The following SGSH variants were observed in gnomAD, a reference collection of about 807,000 sequenced individuals.
The protein encoded by SGSH is heparan sulfate sulfatase.
In SGSH, 48 loss-of-function variants were observed where a neutral mutation model predicts 51.0. That is an observed-to-expected ratio of 0.94 (90% CI 0.75 to 1.20). The LOEUF is 1.20. Ranked by LOEUF, SGSH falls within the 50% of genes most tolerant of loss-of-function variation. SGSH has a pLI of 0.00. For missense variants in SGSH, 662 were observed against 717.8 expected (o/e 0.92, Z 0.89); for synonymous variants, 321 against 313.4 (o/e 1.02, Z -0.26).
chr17:80,214,073 T>G, intron 5 of SGSH, 99 bp downstream of exon 5: 2 of 1,472,098 alleles, frequency 1.4e-6, no homozygotes, highest in Non-Finnish European at 1.9e-6. Flanking sequence ...CAGAGCCTCT[T>G]TCTTCATCAT....
rs1598742536 is a variant in SGSH, at chr17:80,212,146, C to T, written c.874G>A (p.Glu292Lys). Residue 292 changes from glutamate to lysine, a missense_variant, in exon 7 of 8, where the codon GAA (glutamate) becomes AAA (lysine). Coordinates refer to ENST00000326317, the MANE Select transcript of SGSH (RefSeq NM_000199.5). The surrounding 1 kb of genome is among the most constrained non-coding windows in gnomAD (Gnocchi z 5.9). ...TCCGGGGATGACACCAGTAAGGGTT[C>T]AGCAGTGCCCGGCCAGTACAGGTTG... ...RTNLYWPGTA[E>K]PLLVSSPEHP... The T allele has an allele frequency of 6.2e-7, 1 of 1,613,556 alleles. No homozygotes were observed. The highest frequency in any genetic ancestry group is 8.5e-7 in the Non-Finnish European group (1 of 1,180,008).
chr17:80,218,481 C>T (rs1411366120), intron 1 of SGSH, among the ~76,000 whole-genome samples: 1 of 152,218 alleles, frequency 6.6e-6, no homozygotes, highest in Non-Finnish European at 1.5e-5. Flanking sequence ...GGTGGGAACC[C>T]CCAGACCAAC....
downstream of SGSH, chr17:80,202,131 A>G: frequency 9.2e-6 from 14 of 1,516,888 alleles, no homozygotes; most frequent in Non-Finnish European, 1.3e-5. Flanking sequence ...CCTTCCTCGC[A>G]GAGGCTCGTA....
chr17:80,209,541 C>T lies in SGSH; in HGVS notation c.*911G>A. On this transcript the variant is annotated 3_prime_UTR_variant, in exon 8 of 8. Transcript: ENST00000326317. ...AACGCCGACGTCATCCAAGAATTAA[C>T]CCAAGCCAGAGGACGGGCATCGCCA... 1 of 985,434 alleles carries T rather than the reference C, an allele frequency of 1.0e-6. No homozygotes were observed. The highest frequency in any genetic ancestry group is 1.7e-5 in the African/African-American group (1 of 57,252). 61.0% of individuals were successfully genotyped at this position (985,434 alleles called of 1,614,324 possible).
At chr17:80,217,299 G>C (rs1598758692) in intron 1 of SGSH, 107 bp from the exon 2 acceptor site, 1 of 1,322,672 alleles carries the variant, frequency 7.6e-7, no homozygotes, top group East Asian at 2.5e-5. Flanking sequence ...AGACACCCAG[G>C]TGGGCATGGT....
At chr17:80,205,596 G>T (rs764537252), downstream of SGSH, 1 of 1,571,430 alleles carries the variant, frequency 6.4e-7, no homozygotes, top group Non-Finnish European at 8.6e-7. Context: ...GGAGGGAGAG[G>T]TGTCCGGGGG....
chr17:80,203,381 C>T (rs2041095688), downstream of SGSH: 1 of 168,790 alleles, frequency 5.9e-6, no homozygotes, highest in Non-Finnish European at 1.3e-5. This position sits in a 1 kb window ranked among gnomAD's most constrained non-coding sequence, Gnocchi z 4.6. Flanking sequence ...TTGAGCTCAG[C>T]ACCCCCATCA....
chr17:80,202,271 G>A (rs2041024203), downstream of SGSH: 2 of 1,613,848 alleles, frequency 1.2e-6, no homozygotes, highest in Admixed American at 1.7e-5. Flanking sequence ...TGGAGGGCAG[G>A]GCCAAAGGGG....
At chr17:80,204,180 G>T (rs1355740807), downstream of SGSH, 1 of 1,526,582 alleles carries the variant, frequency 6.6e-7, no homozygotes, top group African/African-American at 1.4e-5. Context: ...CATTCCTGTT[G>T]ATGGCTTCAA....
Position 80,210,568 on chromosome 17 carries a change from G to T in SGSH, c.1393C>A (p.Arg465=). 3 of 1,613,016 alleles carry T rather than the reference G, an allele frequency of 1.9e-6. No homozygotes were observed. The highest frequency in any genetic ancestry group is 2.5e-6 in the Non-Finnish European group (3 of 1,179,876). Residue 465 remains arginine, a synonymous_variant, in exon 8 of 8, where the codon CGG becomes AGG. Transcript: ENST00000326317. ...PRFAQLLEML[R]DQLAKWQWET... is the part of the protein sequence containing the mutation. ...CACTGCCACTTGGCCAGCTGGTCCC[G>T]AAGCATCTCCAGAAGCTGAGCAAAG...
At position 80,214,297 on chromosome 17, in the gene SGSH, G is replaced by A. The variant is rs1400975643; in HGVS notation, c.538C>T (p.Pro180Ser). The A allele has an allele frequency of 6.2e-7, 1 of 1,613,026 alleles. No homozygotes were observed. Among genetic ancestry groups the A allele is most frequent in the Non-Finnish European group, 8.5e-7 (1 of 1,180,026 alleles). The change falls in exon 5 of 8, where the codon CCC becomes TCC. Residue 180 changes from proline (P) to serine (S), a missense_variant. Physicochemically the swap from Pro to Ser is moderately conservative, Grantham distance 74. Coordinates refer to ENST00000326317, the MANE Select transcript of SGSH (RefSeq NM_000199.5). ...PFFLYVAFHD[P>S]HRCGHSQPQY... Reference sequence around the variant, plus strand: ...GGCTGGGAGTGCCCACAGCGGTGGGGGTCGTGGAAGGCGACGTAGAGGAAG... The same window carrying A: ...GGCTGGGAGTGCCCACAGCGGTGGGAGTCGTGGAAGGCGACGTAGAGGAAG...
chr17:80,204,183 G>A, downstream of SGSH: 1 of 1,532,214 alleles, frequency 6.5e-7, no homozygotes, highest in Non-Finnish European at 8.8e-7. Flanking sequence ...TCCTGTTGAT[G>A]GCTTCAACAG....
At chr17:80,205,615 G>A, downstream of SGSH, 1 of 1,567,512 alleles carries the variant, frequency 6.4e-7, no homozygotes, top group African/African-American at 1.3e-5. Flanking sequence ...GGCCGCTGCT[G>A]GGTGACCCGC....
In SGSH at chr17:80,215,119, C is replaced by T. The variant is rs1347323380; in HGVS notation, c.269G>A (p.Gly90Glu). The part of the protein sequence containing the change: ...GLPQHQNGMY[G>E]LHQDVHHFNS... ...GAAGTGGTGCACGTCCTGGTGCAGCCCGTACATCCCATTCTGATGCTGCCA... is the reference window on the plus strand; with the variant it reads ...GAAGTGGTGCACGTCCTGGTGCAGCTCGTACATCCCATTCTGATGCTGCCA... The change falls in exon 3 of 8, where the codon GGG (glycine) becomes GAG (glutamate). Residue 90 changes from glycine to glutamate, a missense_variant. Gly to Glu is a moderately conservative substitution (Grantham distance 98). Coordinates refer to ENST00000326317, the MANE Select transcript of SGSH (RefSeq NM_000199.5). The T allele has an allele frequency of 6.2e-6, 10 of 1,611,504 alleles. No individual in the cohort carries two copies. Among genetic ancestry groups the T allele is most frequent in the Non-Finnish European group, 8.5e-6 (10 of 1,179,824 alleles).
downstream of SGSH, chr17:80,204,125 A>T (rs536886503): frequency 3.4e-6 from 4 of 1,161,946 alleles, no homozygotes; most frequent in South Asian, 6.2e-5. Flanking sequence ...GCGCCTCTGC[A>T]TCACTCCCAG....
chr17:80,214,312 C>T lies in SGSH; in HGVS notation c.523G>A (p.Val175Ile), dbSNP rs753921560. 35 of 1,612,800 alleles carry T rather than the reference C, an allele frequency of 2.2e-5. No individual in the cohort carries two copies. The Admixed American group carries it at 2.3e-4, about 11-fold the overall frequency. Residue 175 changes from valine (V) to isoleucine (I), a missense_variant, in exon 5 of 8, where the codon GTC becomes ATC. Transcript: ENST00000326317. ...TQDDRPFFLY[V>I]AFHDPHRCGH... is the part of the protein sequence containing the mutation. ...CAGCGGTGGGGGTCGTGGAAGGCGA[C>T]GTAGAGGAAGAAAGGCCTGCACGGG...
rs1353831142 is a variant in SGSH, at chr17:80,209,525, G to C, written c.*927C>G. On this transcript the variant is annotated 3_prime_UTR_variant, in exon 8 of 8. Coordinates refer to ENST00000326317, the MANE Select transcript of SGSH (RefSeq NM_000199.5). ...GGCACATTCTCCCAGCAACGCCGAC[G>C]TCATCCAAGAATTAACCCAAGCCAG... 2.0e-6 allele frequency: 2 copies of C among 985,392 alleles called. No homozygotes were observed. The highest frequency in any genetic ancestry group is 3.5e-5 in the African/African-American group (2 of 57,210). 61.0% of individuals were successfully genotyped at this position (985,392 alleles called of 1,614,324 possible). A position where few individuals can be genotyped will look rare whatever the true frequency, so the allele number is the denominator to read the frequency against.
intron 1 of SGSH, among the ~76,000 whole-genome samples, chr17:80,218,460 C>T (rs1302732687): frequency 1.3e-5 from 2 of 152,330 alleles, no homozygotes; most frequent in Middle Eastern, 6.8e-3. Flanking sequence ...GGGGGCACCA[C>T]AGGAGAGGCT....
At chr17:80,204,777 A>G (rs1172909716), downstream of SGSH, 4 of 473,514 alleles carry the variant, frequency 8.4e-6, no homozygotes, top group Non-Finnish European at 1.5e-5. Flanking sequence ...TTGGGCCTAT[A>G]GGAAACAGGA....
Sources: gnomAD v4.1 joint callset for allele counts (sites outside exome capture counted in the v4.1 genomes callset) on GRCh38, gnomAD v4.1.1 for gene constraint, Gnocchi (gnomAD v3.1) non-coding constraint, MANE v1.5 for transcripts, NCBI Gene and HGNC (gene_info 2026-07-23, HGNC 2026-07-21) for gene names.